The following FGGY variants were observed in gnomAD, a reference collection of about 807,000 sequenced individuals.
The protein encoded by FGGY is FGGY carbohydrate kinase domain containing.
Under a neutral mutation model 71.3 loss-of-function variants are expected in FGGY, and 72 were observed. The observed-to-expected ratio is 1.01, with a 90% CI of 0.84 to 1.23. The LOEUF (loss-of-function observed/expected upper bound fraction) is 1.23. FGGY is among the 50% of genes most tolerant of loss of function. The pLI is 0.00. For synonymous variants in FGGY, 251 were observed against 250.3 expected, an observed-to-expected ratio of 1.00 and a Z score of -0.02; for missense variants, 668 against 682.3, an observed-to-expected ratio of 0.98 and a Z score of 0.23.
chr1:59,646,778 AGAG>A (rs1382525206), intron 11 of FGGY, among the ~76,000 whole-genome samples: 1 of 152,154 alleles, frequency 6.6e-6, no homozygotes, highest in African/African-American at 2.4e-5. Context: ...TAGCTTACTC[AGAG>A]GAGAAAAGGG....
intron 11 of FGGY, among the ~76,000 whole-genome samples, chr1:59,654,738 G>A (rs545900405): frequency 2.0e-5 from 3 of 152,208 alleles, no homozygotes; most frequent in Non-Finnish European, 2.9e-5. Flanking sequence ...CAAATTGCTG[G>A]ACCCACACCA....
chr1:59,446,888 G>A (rs1157613532), intron 5 of FGGY, among the ~76,000 whole-genome samples: 3 of 152,116 alleles, frequency 2.0e-5, no homozygotes, highest in African/African-American at 4.8e-5. Context: ...CAGCAGTGCC[G>A]GCTTCATTTT....
intron 2 of FGGY, among the ~76,000 whole-genome samples, chr1:59,333,929 C>T (rs1413826845): frequency 6.6e-6 from 1 of 152,166 alleles, no homozygotes; most frequent in Non-Finnish European, 1.5e-5. Flanking sequence ...AGCAAGTGTT[C>T]TCTAGATCAC....
At chr1:59,609,161 T>G (rs1276860921) in intron 9 of FGGY, among the ~76,000 whole-genome samples, 1 of 152,110 alleles carries the variant, frequency 6.6e-6, no homozygotes, top group East Asian at 1.9e-4. Context: ...AAGTGAAAAA[T>G]AACGGCTAAT....
At chr1:59,706,436 C>T (rs907708436) in intron 14 of FGGY, among the ~76,000 whole-genome samples, 3 of 152,196 alleles carry the variant, frequency 2.0e-5, no homozygotes, top group Non-Finnish European at 4.4e-5. Context: ...GTACTTGGCA[C>T]ATAGTACAGT....
At chr1:59,344,654 A>T (rs1413745488) in intron 3 of FGGY, among the ~76,000 whole-genome samples, 1 of 152,162 alleles carries the variant, frequency 6.6e-6, no homozygotes, top group Non-Finnish European at 1.5e-5. Flanking sequence ...CCCTGATGTA[A>T]AATGGCATCG....
Position 59,539,198 on chromosome 1 carries a change from C to T in FGGY, c.800-14926C>T, listed in dbSNP as rs187181249. On this transcript the variant is annotated intron_variant, in intron 7 of 15. Coordinates refer to ENST00000303721, the MANE Select transcript of FGGY (RefSeq NM_018291.5). ...TATTATAAATGTGACAGTTTCTTCC[C>T]GGTTGTTCTATAGATTCAGTGTACT... Among the ~76,000 whole-genome samples the T allele has an allele frequency of 4.6e-5, 7 of 152,156 alleles. No individual in the cohort carries two copies. The South Asian group carries it at 6.2e-4, about 14-fold the overall frequency.
intron 2 of FGGY, among the ~76,000 whole-genome samples, chr1:59,331,255 C>G (rs2048414185): frequency 6.6e-6 from 1 of 152,050 alleles, no homozygotes; most frequent in East Asian, 1.9e-4. Flanking sequence ...AGTATTTGGC[C>G]TTTATTTCAT....
chr1:59,747,429 T>C (rs866805478), intron 14 of FGGY, among the ~76,000 whole-genome samples: 1 of 152,194 alleles, frequency 6.6e-6, no homozygotes, highest in Non-Finnish European at 1.5e-5. Flanking sequence ...AACTTTCCCT[T>C]GCTAGGAAAA....
At chr1:59,357,919 C>T (rs1168634351) in intron 4 of FGGY, among the ~76,000 whole-genome samples, 1 of 152,078 alleles carries the variant, frequency 6.6e-6, no homozygotes, top group Non-Finnish European at 1.5e-5. Flanking sequence ...CAGAGAGGTA[C>T]GAGGAAGGAT....
At chr1:59,629,302 A>G (rs1343352254) in intron 10 of FGGY, among the ~76,000 whole-genome samples, 1 of 152,216 alleles carries the variant, frequency 6.6e-6, no homozygotes, top group African/African-American at 2.4e-5. Flanking sequence ...ACATTCTAAT[A>G]GGATCAGCAC....
chr1:59,427,702 G>T (rs1487287390), intron 5 of FGGY, among the ~76,000 whole-genome samples: 4 of 152,190 alleles, frequency 2.6e-5, no homozygotes, highest in African/African-American at 4.8e-5. Flanking sequence ...CAACCCCTCT[G>T]TGCAGCCTTG....
At chr1:59,301,706 C>CTTTTTTTTTTTTTTTTTTTT (rs34290988) in intron 1 of FGGY, among the ~76,000 whole-genome samples, 1 of 54,964 alleles carries the variant, frequency 1.8e-5, no homozygotes, top group Non-Finnish European at 3.1e-5. Flanking sequence ...TGTGATCATT[C>CTTTTTTTTTTTTTTTTTTTT]TTTTTTTTTT....
At chr1:59,651,714 A>G (rs887384000) in intron 11 of FGGY, among the ~76,000 whole-genome samples, 20 of 150,798 alleles carry the variant, frequency 1.3e-4, no homozygotes, top group Non-Finnish European at 1.9e-4. Context: ...CCAATTTGCC[A>G]GTCTGTGTCT....
chr1:59,360,014 A>G (rs1036401103), intron 4 of FGGY, among the ~76,000 whole-genome samples: 1 of 152,096 alleles, frequency 6.6e-6, no homozygotes, highest in Admixed American at 6.5e-5. Context: ...TAGAGTATTG[A>G]TGCTTACCCA....
chr1:59,473,110 A>G (rs893235687), intron 6 of FGGY, among the ~76,000 whole-genome samples: 52 of 152,120 alleles, frequency 3.4e-4, no homozygotes, highest in Non-Finnish European at 1.2e-4. Flanking sequence ...ACACTGTGGA[A>G]GCTTTGTTCT....
chr1:59,495,350 T>C (rs1185389281), intron 6 of FGGY, among the ~76,000 whole-genome samples: 2 of 152,160 alleles, frequency 1.3e-5, no homozygotes, highest in East Asian at 3.9e-4. Flanking sequence ...GCCCCATTTG[T>C]CAATTTTTGC....
intron 4 of FGGY, among the ~76,000 whole-genome samples, chr1:59,348,227 C>T (rs1012910896): frequency 7.9e-5 from 12 of 152,134 alleles, no homozygotes; most frequent in East Asian, 3.9e-4. Context: ...AGAAAGCAGC[C>T]GAGGTGGGAT....
intron 7 of FGGY, among the ~76,000 whole-genome samples, chr1:59,542,679 C>T (rs1029253741): frequency 1.3e-5 from 2 of 152,020 alleles, no homozygotes; most frequent in African/African-American, 4.8e-5. Context: ...TGGTCTCGAG[C>T]TCCCAATCTC....
Sources: allele counts gnomAD v4.1 joint callset (sites outside exome capture counted in the v4.1 genomes callset), GRCh38; gene constraint gnomAD v4.1.1; transcripts MANE v1.5; gene names NCBI Gene and HGNC (gene_info 2026-07-23, HGNC 2026-07-21).